Variants in DISC1 observed in about 807,000 individuals in gnomAD.
The protein encoded by DISC1 is DISC1 scaffold protein.
DISC1 carries 57 observed loss-of-function variants against 84.5 expected under a neutral mutation model. That is an observed-to-expected ratio of 0.67 (90% confidence interval 0.55 to 0.84). The LOEUF (loss-of-function observed/expected upper bound fraction) is 0.84, where lower values mean the gene tolerates loss of function less well. DISC1 is among the 40% of genes least tolerant of loss of function. DISC1 has a pLI of 0.00. For synonymous variants in DISC1, 411 were observed against 415.2 expected (o/e 0.99, Z 0.12); for missense variants, 1,000 against 1,057.8 (o/e 0.95, Z 0.76).
At chr1:231,890,223 G>C (rs2087096464) in intron 9 of DISC1, among the ~76,000 whole-genome samples, 1 of 152,196 alleles carries the variant, frequency 6.6e-6, no homozygotes, top group Admixed American at 6.5e-5. Flanking sequence ...GTATGTGTGA[G>C]TAATCTGTGC....
intron 9 of DISC1, among the ~76,000 whole-genome samples, chr1:231,890,225 A>G (rs2087096862): frequency 6.6e-6 from 1 of 152,188 alleles, no homozygotes; most frequent in African/African-American, 2.4e-5. Flanking sequence ...ATGTGTGAGT[A>G]ATCTGTGCCT....
chr1:232,019,339 A>G (rs1668745944), intron 11 of DISC1, among the ~76,000 whole-genome samples: 2 of 152,176 alleles, frequency 1.3e-5, no homozygotes, highest in African/African-American at 4.8e-5. Context: ...AAATGATGGG[A>G]CGGATGTTCA....
At chr1:231,649,840 C>T (rs952072313) in intron 1 of DISC1, among the ~76,000 whole-genome samples, 3 of 151,986 alleles carry the variant, frequency 2.0e-5, no homozygotes, top group African/African-American at 4.8e-5. Context: ...TTGATCTTTG[C>T]TGGTTTAAAG....
intron 8 of DISC1, among the ~76,000 whole-genome samples, chr1:231,806,862 G>T (rs2079769893): frequency 6.6e-6 from 1 of 152,258 alleles, no homozygotes; most frequent in Non-Finnish European, 1.5e-5. Flanking sequence ...GTGCCCTCTA[G>T]GGCCGAGAGT....
intron 1 of DISC1, among the ~76,000 whole-genome samples, chr1:231,684,541 C>A (rs1572845987): frequency 6.6e-6 from 1 of 152,100 alleles, no homozygotes; most frequent in South Asian, 2.1e-4. Context: ...TAAATACCAG[C>A]AGGCTTAAAA....
At chr1:231,784,355 G>A (rs770742703) in intron 6 of DISC1, among the ~76,000 whole-genome samples, 3 of 152,150 alleles carry the variant, frequency 2.0e-5, no homozygotes, top group Non-Finnish European at 4.4e-5. Context: ...ATATCAGAGT[G>A]TAGCATCCTA....
At chr1:231,943,323 G>A (rs1438379000) in intron 9 of DISC1, among the ~76,000 whole-genome samples, 3 of 152,276 alleles carry the variant, frequency 2.0e-5, no homozygotes, top group Non-Finnish European at 4.4e-5. Context: ...TGGTGAGGAG[G>A]TAGAGAGAGT....
At chr1:231,912,739 GCTCTTCTTT>G (rs1193557563) in intron 9 of DISC1, among the ~76,000 whole-genome samples, 2 of 134,386 alleles carry the variant, frequency 1.5e-5, no homozygotes, top group African/African-American at 2.8e-5. Context: ...TCTGCAGCTT[GCTCTTCTTT>G]CTTTCTTTCT....
intron 10 of DISC1, among the ~76,000 whole-genome samples, chr1:231,965,758 A>G (rs1661019142): frequency 6.6e-6 from 1 of 152,100 alleles, no homozygotes; most frequent in Non-Finnish European, 1.5e-5. Flanking sequence ...CCACAGCAGC[A>G]CCTTTGCAGA....
At chr1:231,750,400 T>C in intron 4 of DISC1, 1 of 1,121,066 alleles carries the variant, frequency 8.9e-7, no homozygotes, top group African/African-American at 1.6e-5. Flanking sequence ...TGAGGCAGCT[T>C]GGTGTCCTGT....
intron 6 of DISC1, among the ~76,000 whole-genome samples, chr1:231,779,525 T>C (rs1463649271): frequency 6.6e-6 from 1 of 151,462 alleles, no homozygotes; most frequent in African/African-American, 2.4e-5. Context: ...CTGTGGAATA[T>C]GTATACTTGG....
At chr1:231,890,022 C>T (rs1193206262) in intron 9 of DISC1, among the ~76,000 whole-genome samples, 4 of 152,136 alleles carry the variant, frequency 2.6e-5, no homozygotes, top group African/African-American at 9.7e-5. Flanking sequence ...TCTAGTACTT[C>T]TTGGGTTTGG....
chr1:231,672,791 A>G (rs1186648799), intron 1 of DISC1, among the ~76,000 whole-genome samples: 2 of 152,082 alleles, frequency 1.3e-5, no homozygotes, highest in African/African-American at 2.4e-5. Context: ...CCTTGGCATT[A>G]TTGTACTAAT....
intron 3 of DISC1, among the ~76,000 whole-genome samples, chr1:231,705,356 C>T (rs1159729231): frequency 1.3e-5 from 2 of 148,346 alleles, no homozygotes; most frequent in Non-Finnish European, 3.0e-5. Flanking sequence ...AAAGACAGTC[C>T]CAAAAAGGGA....
chr1:231,673,448 C>T (rs943091400), intron 1 of DISC1, among the ~76,000 whole-genome samples: 6 of 152,150 alleles, frequency 3.9e-5, no homozygotes, highest in Admixed American at 3.9e-4. Flanking sequence ...ACTCCTCAGC[C>T]TCTTGAGTAG....
At position 231,707,426 on chromosome 1, in the gene DISC1, G is replaced by C. The variant is rs115166531; in HGVS notation, c.1117+5402G>C. 5.4e-3 allele frequency among the ~76,000 whole-genome samples: 821 copies of C among 152,244 alleles called. 8 individuals carry two copies. The highest frequency in any genetic ancestry group is 0.018 in the African/African-American group (766 of 41,534). On this transcript the variant is annotated intron_variant, in intron 3 of 12. Coordinates refer to ENST00000439617, the MANE Select transcript of DISC1 (RefSeq NM_018662.3). ...AGAGCTTTCCCTTCCTTTGCTGTGA[G>C]ATCTGCTTGCTATATCACCTTGTCC...
chr1:231,968,420 C>T (rs148661786), intron 10 of DISC1, among the ~76,000 whole-genome samples: 2,632 of 151,956 alleles, frequency 0.017, 35 homozygotes, highest in Middle Eastern at 0.058. Flanking sequence ...GCAGACGTAC[C>T]AGTCACAGTA....
At chr1:231,708,007 G>A (rs1341035690) in intron 3 of DISC1, among the ~76,000 whole-genome samples, 2 of 152,274 alleles carry the variant, frequency 1.3e-5, no homozygotes, top group East Asian at 3.9e-4. Context: ...CATGGTAGGT[G>A]GAACTATTAC....
chr1:231,897,001 G>A lies in DISC1; in HGVS notation c.1982-61827G>A, dbSNP rs1360821971. On this transcript the variant is annotated intron_variant, in intron 9 of 12. Coordinates refer to ENST00000439617, the MANE Select transcript of DISC1 (RefSeq NM_018662.3). The surrounding 1 kb of genome is among the most constrained non-coding windows in gnomAD (Gnocchi z 4.5). Reference sequence around the variant, plus strand: ...CCCTTCTGGCATCACTGACTGTTACGGGATCTAGAAACATACATGATCAGA... The same window carrying A: ...CCCTTCTGGCATCACTGACTGTTACAGGATCTAGAAACATACATGATCAGA... Among the ~76,000 whole-genome samples the A allele has an allele frequency of 1.3e-5, 2 of 152,112 alleles. No homozygotes were observed. Among genetic ancestry groups the A allele is most frequent in the Non-Finnish European group, 2.9e-5 (2 of 68,028 alleles).
Sources: allele counts gnomAD v4.1 joint callset (sites outside exome capture counted in the v4.1 genomes callset), GRCh38; gene constraint gnomAD v4.1.1; non-coding constraint Gnocchi (gnomAD v3.1); transcripts MANE v1.5; gene names NCBI Gene and HGNC (gene_info 2026-07-23, HGNC 2026-07-21).